The following STAB2 variants were observed in gnomAD, a reference collection of about 807,000 sequenced individuals.
The protein encoded by STAB2 is stabilin 2, also known as stabilin-2.
A neutral mutation model predicts 338.1 loss-of-function variants in STAB2; 288 were observed. The observed-to-expected ratio is 0.85, with a 90% CI of 0.77 to 0.94. The LOEUF (loss-of-function observed/expected upper bound fraction) is 0.94, where lower values mean the gene tolerates loss of function less well. STAB2 is among the 40% of genes least tolerant of loss of function. The pLI is 0.00. For missense variants in STAB2, 3,141 were observed against 3,210.1 expected (o/e 0.98, Z 0.52); for synonymous variants, 1,202 against 1,193.3 (o/e 1.01, Z -0.15).
At chr12:103,660,839 C>T in intron 17 of STAB2, 76 bp downstream of exon 17, 1 of 1,460,792 alleles carries the variant, frequency 6.8e-7, no homozygotes, top group Non-Finnish European at 9.6e-7. Context: ...TCAGGTTATC[C>T]TGCCTCTATG....
chr12:103,684,366 G>T (rs1877203455), intron 26 of STAB2, among the ~76,000 whole-genome samples: 1 of 152,200 alleles, frequency 6.6e-6, no homozygotes, highest in Non-Finnish European at 1.5e-5. Context: ...CCTAGTACAT[G>T]TGCAGGGTGG....
intron 46 of STAB2, 114 bp from the exon 47 acceptor site, chr12:103,727,153 C>G: frequency 2.0e-6 from 2 of 1,022,540 alleles, no homozygotes; most frequent in South Asian, 2.7e-5. Context: ...AAACAGAGGT[C>G]TCCTCATCCA....
intron 61 of STAB2, among the ~76,000 whole-genome samples, chr12:103,753,897 T>G (rs1024885432): frequency 1.3e-5 from 2 of 152,088 alleles, no homozygotes; most frequent in African/African-American, 4.8e-5. Flanking sequence ...CTGGAGGGAC[T>G]GTGAAAAGAA....
intron 63 of STAB2, among the ~76,000 whole-genome samples, chr12:103,756,990 A>AG (rs200580181): frequency 0.16 from 8,604 of 53,748 alleles, 949 homozygotes; most frequent in African/African-American, 0.42. Context: ...GCCCAGAAGG[A>AG]GGGAAAATAT....
rs896183186 is a variant in STAB2 at position 103,750,867 on chromosome 12, G to C, written c.6580+147G>C. The C allele has an allele frequency of 8.0e-6, 9 of 1,126,078 alleles. No individual in the cohort carries two copies. In the African/African-American group the frequency reaches 1.1e-4, roughly 14 times the overall value. 69.8% of individuals were successfully genotyped at this position (1,126,078 alleles called of 1,614,324 possible). On this transcript the variant is annotated intron_variant, in intron 60 of 68. Coordinates refer to ENST00000388887, the MANE Select transcript of STAB2 (RefSeq NM_017564.10). ...ATACTTTGGGAGGCCAAGGCAGATG[G>C]ATCACTTGAGGTCAGGAGTTGGAGA...
chr12:103,734,913 C>G (rs930704439), intron 51 of STAB2, among the ~76,000 whole-genome samples: 1 of 152,192 alleles, frequency 6.6e-6, no homozygotes, highest in Middle Eastern at 3.2e-3. Context: ...TCCAATCTGT[C>G]TCTGCCATCA....
At position 103,755,458 on chromosome 12, in the gene STAB2, C is replaced by T. The variant is rs369345696; in HGVS notation, c.6871C>T (p.Arg2291Trp). The change falls in exon 62 of 69, where the codon CGG becomes TGG. Residue 2291 changes from arginine (R) to tryptophan (W), a missense_variant. Arg to Trp is a moderately radical substitution (Grantham distance 101). Transcript: ENST00000388887. Reference protein sequence around the residue: ...KSEMWDVFCYRMKDVNCTCKV... With the variant: ...KSEMWDVFCYWMKDVNCTCKV... ...TGAAATGTGGGATGTCTTCTGCTAT[C>T]GGATGAAAGGTAACCGCCCCAGCTA... The T allele has an allele frequency of 6.2e-6, 10 of 1,613,832 alleles. No homozygotes were observed. Among genetic ancestry groups the T allele is most frequent in the African/African-American group, 4.0e-5 (3 of 74,878 alleles).
intron 37 of STAB2, 83 bp downstream of exon 37, chr12:103,705,810 T>C (rs1441380830): frequency 1.5e-6 from 2 of 1,316,316 alleles, no homozygotes; most frequent in Non-Finnish European, 2.2e-6. Flanking sequence ...AAAATCCCTG[T>C]GCAGGTATGC....
At chr12:103,762,657 G>A (rs1057079015) in intron 67 of STAB2, among the ~76,000 whole-genome samples, 8 of 152,182 alleles carry the variant, frequency 5.3e-5, no homozygotes, top group Non-Finnish European at 1.2e-4. Context: ...AACCCACCCT[G>A]AGCCTCTGTG....
chr12:103,628,234 CT>C (rs1957409696), intron 5 of STAB2, among the ~76,000 whole-genome samples: 1 of 152,200 alleles, frequency 6.6e-6, no homozygotes, highest in African/African-American at 2.4e-5. Flanking sequence ...AGCTAGTTAT[CT>C]CCCATTTTTT....
intron 12 of STAB2, among the ~76,000 whole-genome samples, chr12:103,653,745 TGAATGGATGGATGGATGGAC>T (rs1873950882): frequency 1.4e-5 from 2 of 144,198 alleles, no homozygotes; most frequent in African/African-American, 2.7e-5. Flanking sequence ...GATGGATGGA[TGAATGGATGGATGGATGGAC>T]GGATGGATGG....
chr12:103,609,928 G>T (rs1314162259), intron 3 of STAB2, among the ~76,000 whole-genome samples: 2 of 152,156 alleles, frequency 1.3e-5, no homozygotes, highest in Non-Finnish European at 2.9e-5. Flanking sequence ...GGCCTTTTCT[G>T]CATCTATTGT....
chr12:103,748,600 A>C, intron 58 of STAB2, among the ~76,000 whole-genome samples: 1 of 30,498 alleles, frequency 3.3e-5, no homozygotes, highest in African/African-American at 1.5e-4. Flanking sequence ...ACACACACAC[A>C]CACATACACA....
At chr12:103,757,594 G>T (rs1248920509) in intron 63 of STAB2, among the ~76,000 whole-genome samples, 1 of 152,236 alleles carries the variant, frequency 6.6e-6, no homozygotes, top group Non-Finnish European at 1.5e-5. Context: ...TGGGGAGAAA[G>T]TGACATGTAA....
intron 12 of STAB2, among the ~76,000 whole-genome samples, chr12:103,653,840 GTGGA>G (rs148948039): frequency 0.59 from 82,236 of 138,888 alleles, 24,283 homozygotes; most frequent in African/African-American, 0.62. Flanking sequence ...CACCGGATGG[GTGGA>G]TGGATGGATG....
intron 8 of STAB2, among the ~76,000 whole-genome samples, chr12:103,639,138 G>A (rs551250763): frequency 6.6e-6 from 1 of 152,274 alleles, no homozygotes; most frequent in African/African-American, 2.4e-5. Flanking sequence ...TTAATGTTAT[G>A]CCATGAATGT....
intron 12 of STAB2, 29 bp from the exon 13 acceptor site, chr12:103,654,525 AT>A: frequency 6.2e-7 from 1 of 1,608,976 alleles, no homozygotes; most frequent in Non-Finnish European, 8.5e-7. Context: ...CACCATAGTA[AT>A]CTTATTTTAT....
intron 12 of STAB2, among the ~76,000 whole-genome samples, chr12:103,653,840 GTGGATGGATGGATGGA>G (rs148948039): frequency 0.04 from 5,568 of 139,174 alleles, 128 homozygotes; most frequent in Non-Finnish European, 0.063. Flanking sequence ...CACCGGATGG[GTGGATGGATGGATGGA>G]TGGATGGATG....
intron 43 of STAB2, among the ~76,000 whole-genome samples, chr12:103,717,518 G>GA (rs896693194): frequency 8.6e-5 from 13 of 151,596 alleles, no homozygotes; most frequent in South Asian, 2.1e-4. Flanking sequence ...ACATTAAAAA[G>GA]AAAAAAAACG....
Sources: allele counts gnomAD v4.1 joint callset (sites outside exome capture counted in the v4.1 genomes callset), GRCh38; gene constraint gnomAD v4.1.1; transcripts MANE v1.5; gene names NCBI Gene and HGNC (gene_info 2026-07-23, HGNC 2026-07-21).